The following NFS1 variants were observed in gnomAD, a reference collection of about 807,000 sequenced individuals.
The protein encoded by NFS1 is cysteine desulfurase.
NFS1 carries 26 observed loss-of-function variants against 57.3 expected under a neutral mutation model. The observed-to-expected ratio is 0.45, with a 90% CI of 0.33 to 0.63. The LOEUF (loss-of-function observed/expected upper bound fraction) is 0.63. Ranked by LOEUF, NFS1 falls within the 20% of genes least tolerant of loss-of-function variation. The pLI is 0.02. For missense variants in NFS1, 505 were observed against 605.8 expected, an observed-to-expected ratio of 0.83 and a Z score of 1.75; for synonymous variants, 209 against 216.3, an observed-to-expected ratio of 0.97 and a Z score of 0.30.
intron 5 of NFS1, among the ~76,000 whole-genome samples, chr20:35,684,265 G>A (rs1251335612): frequency 1.3e-5 from 2 of 151,728 alleles, no homozygotes; most frequent in Non-Finnish European, 1.5e-5. Flanking sequence ...TTAGCCAGGC[G>A]TGGTGGCGGG....
chr20:35,690,299 C>A, intron 5 of NFS1, 114 bp downstream of exon 5: 1 of 1,009,508 alleles, frequency 9.9e-7, no homozygotes, highest in East Asian at 2.4e-5. Flanking sequence ...CTCTAAACTT[C>A]ATCCTAACTG....
chr20:35,677,023 C>T (rs756306777), intron 7 of NFS1, among the ~76,000 whole-genome samples: 23 of 152,212 alleles, frequency 1.5e-4, no homozygotes, highest in Admixed American at 3.9e-4. Context: ...CCCGCCACCA[C>T]GCATGGCTAA....
intron 7 of NFS1, 135 bp from the exon 8 acceptor site, chr20:35,675,337 G>A (rs2034723329): frequency 9.5e-6 from 9 of 945,208 alleles, no homozygotes; most frequent in African/African-American, 5.0e-5. Context: ...AAAACGTTAA[G>A]GAAAAGAAGA....
At chr20:35,685,857 C>T (rs369977927) in intron 5 of NFS1, among the ~76,000 whole-genome samples, 1 of 142,962 alleles carries the variant, frequency 7.0e-6, no homozygotes, top group African/African-American at 2.6e-5. Flanking sequence ...AAATTCAGTA[C>T]CCCCCCGCAA....
rs1305056490 is a variant in NFS1 at position 35,676,419 on chromosome 20, T to A, written c.791-1217A>T. The stretch of plus-strand genomic sequence containing the variant: ...TGACCAACATGGTGAAACCCCGTAA[T>A]TATTAAAAATACAAAAATTAGCTGG... On this transcript the variant is annotated intron_variant, in intron 7 of 12. Coordinates refer to ENST00000374092, the MANE Select transcript of NFS1 (RefSeq NM_021100.5). Among the ~76,000 whole-genome samples the A allele has an allele frequency of 2.0e-5, 3 of 151,472 alleles. No individual in the cohort carries two copies. In the East Asian group the frequency reaches 5.8e-4, roughly 29 times the overall value.
intron 12 of NFS1, among the ~76,000 whole-genome samples, chr20:35,671,343 C>T (rs183455517): frequency 3.3e-5 from 5 of 152,262 alleles, no homozygotes; most frequent in African/African-American, 7.2e-5. Context: ...CCTCATGATC[C>T]GCTCACCTCG....
intron 4 of NFS1, among the ~76,000 whole-genome samples, chr20:35,691,558 T>C (rs941026399): frequency 6.7e-6 from 1 of 149,620 alleles, no homozygotes; most frequent in African/African-American, 2.5e-5. Context: ...CTGGCCAACA[T>C]GGGGAAACCC....
intron 4 of NFS1, chr20:35,692,322 C>A (rs943348060): frequency 4.2e-6 from 1 of 239,024 alleles, no homozygotes; most frequent in South Asian, 4.1e-5. Flanking sequence ...TGCAGTGAGC[C>A]GAGATCATGC....
At chr20:35,683,790 C>CAAAAAAAAAAAAAAA in intron 5 of NFS1, among the ~76,000 whole-genome samples, 1 of 54,026 alleles carries the variant, frequency 1.9e-5, no homozygotes. Context: ...GACTCCATCT[C>CAAAAAAAAAAAAAAA]AAAAAAAAAA....
At position 35,669,490 on chromosome 20, in the gene NFS1, G is replaced by A; in HGVS notation, c.*132C>T. On this transcript the variant is annotated 3_prime_UTR_variant, in exon 13 of 13. Coordinates refer to ENST00000374092, the MANE Select transcript of NFS1 (RefSeq NM_021100.5). ...AGTTTTCTTGTGTTTCTGTCATAGA[G>A]GTGGACTGATGCTGAAGTCAACTGG... 2 of 753,264 alleles carry A rather than the reference G, an allele frequency of 2.7e-6. No individual in the cohort carries two copies. Among genetic ancestry groups the A allele is most frequent in the East Asian group, 5.0e-5 (2 of 40,328 alleles). 46.7% of individuals were successfully genotyped at this position (753,264 alleles called of 1,614,324 possible). A position where few individuals can be genotyped will look rare whatever the true frequency, so the allele number is the denominator to read the frequency against.
At position 35,690,543 on chromosome 20, in the gene NFS1, G is replaced by A. The variant is rs769101652; in HGVS notation, c.431C>T (p.Ser144Leu). ...AIKGVARFYRSRKKHLITTQT... is the reference protein window; with the variant it reads ...AIKGVARFYRLRKKHLITTQT... ...GGTGGTGATCAAGTGCTTTTTCCGT[G>A]ACCTGTAGAATCGGGCCACCCCCTA... Residue 144 changes from serine (S) to leucine (L), a missense_variant, in exon 5 of 13, where the codon TCA (serine) becomes TTA (leucine). Coordinates refer to ENST00000374092, the MANE Select transcript of NFS1 (RefSeq NM_021100.5). The A allele has an allele frequency of 1.9e-6, 3 of 1,614,094 alleles. No individual in the cohort carries two copies. The highest frequency in any genetic ancestry group is 1.7e-5 in the Admixed American group (1 of 60,004).
At chr20:35,687,673 C>A (rs113365121) in intron 5 of NFS1, among the ~76,000 whole-genome samples, 1 of 152,172 alleles carries the variant, frequency 6.6e-6, no homozygotes, top group Non-Finnish European at 1.5e-5. Flanking sequence ...TTTATTTCTA[C>A]GCTCTCTCGT....
At chr20:35,678,234 A>G (rs2034788833) in intron 7 of NFS1, among the ~76,000 whole-genome samples, 1 of 152,116 alleles carries the variant, frequency 6.6e-6, no homozygotes, top group Non-Finnish European at 1.5e-5. Context: ...AAGCGCCTGT[A>G]GTCCCAGCTG....
At chr20:35,676,775 A>C (rs1041001998) in intron 7 of NFS1, among the ~76,000 whole-genome samples, 4 of 148,894 alleles carry the variant, frequency 2.7e-5, no homozygotes, top group Non-Finnish European at 4.5e-5. Flanking sequence ...AAAAAAAAAA[A>C]AAAAAAAAAA....
At chr20:35,689,126 T>A (rs1230853857) in intron 5 of NFS1, among the ~76,000 whole-genome samples, 1 of 152,120 alleles carries the variant, frequency 6.6e-6, no homozygotes, top group Non-Finnish European at 1.5e-5. Context: ...TGAATGTGAG[T>A]CCCTGGCATC....
intron 4 of NFS1, among the ~76,000 whole-genome samples, chr20:35,691,933 A>C (rs933853929): frequency 6.6e-6 from 1 of 151,830 alleles, no homozygotes; most frequent in Non-Finnish European, 1.5e-5. Flanking sequence ...CTGTAATTCC[A>C]ACACTTTGGG....
At chr20:35,687,070 G>A (rs1321883470) in intron 5 of NFS1, among the ~76,000 whole-genome samples, 5 of 152,118 alleles carry the variant, frequency 3.3e-5, no homozygotes, top group South Asian at 2.1e-4. Context: ...CTGGGAAGAC[G>A]CCCTTTGCCA....
At position 35,695,207 on chromosome 20, in the gene NFS1, C is replaced by A. The variant is rs143978264; in HGVS notation, c.408+1170G>T. Among the ~76,000 whole-genome samples, 268 of 152,284 alleles carry A rather than the reference C, an allele frequency of 1.8e-3. 2 individuals are homozygous for A. The highest frequency in any genetic ancestry group is 0.014 in the Middle Eastern group (4 of 294). On this transcript the variant is annotated intron_variant, in intron 4 of 12. Coordinates refer to ENST00000374092, the MANE Select transcript of NFS1 (RefSeq NM_021100.5). Reference sequence around the variant, plus strand: ...GAAACCATCTCCACCTTTGGAGGAACCTTCACCCCGACTCTCTGGTCTCTG... The same window carrying A: ...GAAACCATCTCCACCTTTGGAGGAAACTTCACCCCGACTCTCTGGTCTCTG...
intron 8 of NFS1, 182 bp from the exon 9 acceptor site, chr20:35,674,799 T>C: frequency 1.5e-6 from 1 of 678,194 alleles, no homozygotes; most frequent in African/African-American, 1.8e-5. Flanking sequence ...AAAAGGCGCT[T>C]GATAACTGGA....
Sources: gnomAD v4.1 joint callset for allele counts (sites outside exome capture counted in the v4.1 genomes callset) on GRCh38, gnomAD v4.1.1 for gene constraint, MANE v1.5 for transcripts, NCBI Gene and HGNC (gene_info 2026-07-23, HGNC 2026-07-21) for gene names.